RCBTB2: variants seen among roughly 807,000 people sequenced by gnomAD.
The protein encoded by RCBTB2 is RCC1 and BTB domain-containing protein 2.
RCBTB2 carries 55 observed loss-of-function variants against 65.4 expected under a neutral mutation model. The observed-to-expected ratio is 0.84, with a 90% CI of 0.68 to 1.05. The LOEUF is 1.05. Among genes scored for constraint, RCBTB2 ranks in the 50% least tolerant of loss-of-function variants. The pLI is 0.00. For synonymous variants in RCBTB2, 220 were observed against 255.2 expected (o/e 0.86, Z 1.31); for missense variants, 599 against 680.1 (o/e 0.88, Z 1.33).
rs9332008 is a variant in RCBTB2 at position 48,509,569 on chromosome 13, G to A, written c.926+1060C>T. On this transcript the variant is annotated intron_variant, in intron 10 of 14. Coordinates refer to ENST00000344532, the MANE Select transcript of RCBTB2 (RefSeq NM_001268.4). ...TGCACCACCTCCTGCCTCCATTATT[G>A]TCCCTCCTCCCAATTCTGAAGGGGC... is the stretch of plus-strand genomic sequence containing the variant. 5.1e-4 allele frequency among the ~76,000 whole-genome samples: 78 copies of A among 152,128 alleles called. No homozygotes were observed. In the East Asian group the frequency reaches 0.014, roughly 27 times the overall value.
At chr13:48,493,329 T>A (rs1486691147) in intron 14 of RCBTB2, among the ~76,000 whole-genome samples, 19 of 137,706 alleles carry the variant, frequency 1.4e-4, no homozygotes, top group African/African-American at 5.5e-4. Flanking sequence ...TCTCTCTCTC[T>A]CTCTCTCTCT....
Position 48,511,778 on chromosome 13 carries a change from C to T in RCBTB2, c.775G>A (p.Val259Ile), listed in dbSNP as rs776717208. The change falls in exon 9 of 15, where the codon GTC (valine) becomes ATC (isoleucine). Residue 259 changes from valine (V) to isoleucine (I), a missense_variant. Coordinates refer to ENST00000344532, the MANE Select transcript of RCBTB2 (RefSeq NM_001268.4). ...ACTGACAGTGGACGTACCCTCTGGA[C>T]ACGGATGCCTTGCAAAGCTGCCACT... ...CRVAALQGIR[V>I]QRVACGYAHT... is the part of the protein sequence containing the mutation. The T allele has an allele frequency of 1.7e-5, 27 of 1,613,782 alleles. No individual in the cohort carries two copies. In the Admixed American group the frequency reaches 4.5e-4, roughly 27 times the overall value.
At chr13:48,508,461 T>A (rs1488281687) in intron 10 of RCBTB2, among the ~76,000 whole-genome samples, 4 of 151,124 alleles carry the variant, frequency 2.6e-5, no homozygotes, top group African/African-American at 9.8e-5. Flanking sequence ...CAGGCTAGAG[T>A]GCAGTGTCGC....
At chr13:48,504,289 G>A (rs1036496547) in intron 10 of RCBTB2, 1 of 985,284 alleles carries the variant, frequency 1.0e-6, no homozygotes, top group African/African-American at 1.7e-5. Flanking sequence ...CACACGGGCA[G>A]TGGCTTCTCT....
intron 10 of RCBTB2, among the ~76,000 whole-genome samples, chr13:48,505,661 G>A (rs1311671759): frequency 1.3e-5 from 2 of 152,186 alleles, no homozygotes; most frequent in Admixed American, 6.5e-5. Flanking sequence ...GTCTGTCTTC[G>A]TGGCCTGGTG....
chr13:48,493,311 A>ACTCTCTCTCTCTCTCT (rs773819158), intron 14 of RCBTB2, among the ~76,000 whole-genome samples: 1,504 of 56,928 alleles, frequency 0.026, 14 homozygotes, highest in Non-Finnish European at 0.039. Flanking sequence ...ACACACACAC[A>ACTCTCTCTCTCTCTCT]CACACTCTCT....
At position 48,501,800 on chromosome 13, in the gene RCBTB2, G is replaced by T; in HGVS notation, c.1186C>A (p.Leu396Met). 6.2e-7 allele frequency: 1 copy of T among 1,613,136 alleles called. No individual in the cohort carries two copies. The highest frequency in any genetic ancestry group is 8.5e-7 in the Non-Finnish European group (1 of 1,179,060). Residue 396 changes from leucine (L) to methionine (M), a missense_variant, in exon 12 of 15, where the codon CTG (leucine) becomes ATG (methionine). Leu to Met is a conservative substitution (Grantham distance 15). Coordinates refer to ENST00000344532, the MANE Select transcript of RCBTB2 (RefSeq NM_001268.4). The part of the protein sequence containing the change: ...REFDNPDTAD[L>M]KFLVDGKYIY... The stretch of plus-strand genomic sequence containing the variant: ...TACTTTCCATCAACTAGAAACTTCA[G>T]GTCTGCAGTGTCCGGGTTGTCAAAT...
chr13:48,528,152 G>C (rs1951907954), intron 1 of RCBTB2, among the ~76,000 whole-genome samples: 1 of 152,148 alleles, frequency 6.6e-6, no homozygotes, highest in African/African-American at 2.4e-5. Flanking sequence ...ATAACGTAGA[G>C]CAAAACAATA....
Position 48,501,813 on chromosome 13 carries a change from C to T in RCBTB2, c.1173G>A (p.Pro391=), listed in dbSNP as rs776644289. ...CTAGAAACTTCAGGTCTGCAGTGTCCGGGTTGTCAAATTCCCTCTTCAGTG... is the reference window on the plus strand; with the variant it reads ...CTAGAAACTTCAGGTCTGCAGTGTCTGGGTTGTCAAATTCCCTCTTCAGTG... ...AESLKREFDN[P]DTADLKFLVD... Residue 391 remains proline (P), a synonymous_variant, in exon 12 of 15, where the codon CCG becomes CCA. Coordinates refer to ENST00000344532, the MANE Select transcript of RCBTB2 (RefSeq NM_001268.4). 29 of 1,613,302 alleles carry T rather than the reference C, an allele frequency of 1.8e-5. No individual in the cohort carries two copies. Among genetic ancestry groups the T allele is most frequent in the Middle Eastern group, 1.6e-4 (1 of 6,084 alleles).
intron 13 of RCBTB2, among the ~76,000 whole-genome samples, chr13:48,498,018 C>A (rs1417937332): frequency 6.6e-6 from 1 of 152,238 alleles, no homozygotes; most frequent in Non-Finnish European, 1.5e-5. Context: ...ACCTGGGAAC[C>A]TGGGACTGCC....
chr13:48,515,876 G>T, intron 4 of RCBTB2, 135 bp from the exon 5 acceptor site: 1 of 879,462 alleles, frequency 1.1e-6, no homozygotes, highest in Non-Finnish European at 1.7e-6. Flanking sequence ...GCCTCTCGCA[G>T]CTGCAGGGAT....
In RCBTB2 at chr13:48,515,389, C is replaced by G. The variant is rs758757333; in HGVS notation, c.199-34G>C. 5.0e-6 allele frequency: 8 copies of G among 1,588,916 alleles called. No homozygotes were observed. The South Asian group carries it at 8.0e-5, about 16-fold the overall frequency. On this transcript the variant is annotated intron_variant, in intron 5 of 14. Coordinates refer to ENST00000344532, the MANE Select transcript of RCBTB2 (RefSeq NM_001268.4). ...AAAACCACTGTTAGTTCAAGCAGTT[C>G]TATTTCTAACAAATCTATAAATTAC...
intron 13 of RCBTB2, among the ~76,000 whole-genome samples, chr13:48,498,278 A>T (rs578262515): frequency 4.6e-5 from 7 of 152,328 alleles, no homozygotes; most frequent in Non-Finnish European, 8.8e-5. Context: ...TTCAGTTCTT[A>T]ATGAAATTAC....
At chr13:48,490,852 T>C (rs1237075504) in intron 14 of RCBTB2, among the ~76,000 whole-genome samples, 1 of 152,196 alleles carries the variant, frequency 6.6e-6, no homozygotes, top group East Asian at 1.9e-4. Context: ...AATCATGACT[T>C]CCAAGTCTCT....
At chr13:48,517,600 C>T (rs377109846) in intron 4 of RCBTB2, among the ~76,000 whole-genome samples, 3 of 152,290 alleles carry the variant, frequency 2.0e-5, no homozygotes, top group African/African-American at 7.2e-5. Context: ...GCAGCTGTCC[C>T]AATGGCCACT....
chr13:48,503,058 C>G, intron 10 of RCBTB2, 144 bp from the exon 11 acceptor site: 4 of 832,130 alleles, frequency 4.8e-6, no homozygotes, highest in Non-Finnish European at 7.3e-6. Context: ...CAAAACAAAC[C>G]ACCACATGAC....
Position 48,501,859 on chromosome 13 carries a change from T to A in RCBTB2, c.1127A>T (p.Asp376Val). 1 of 1,613,808 alleles carries A rather than the reference T, an allele frequency of 6.2e-7. No homozygotes were observed. The highest frequency in any genetic ancestry group is 8.5e-7 in the Non-Finnish European group (1 of 1,179,890). ...CAGTGACTCAGCCACTGTGAGGTGG[T>A]CATCAGGTTCTAGGAGAATAATGCA... ...TWRLLSVEPD[D>V]HLTVAESLKR... The change falls in exon 12 of 15, where the codon GAC becomes GTC. Residue 376 changes from aspartate to valine, a missense_variant. By Grantham distance (152) the Asp-to-Val change is radical. Transcript: ENST00000344532.
At chr13:48,520,603 T>C (rs1448620107) in intron 4 of RCBTB2, among the ~76,000 whole-genome samples, 1 of 152,150 alleles carries the variant, frequency 6.6e-6, no homozygotes, top group Non-Finnish European at 1.5e-5. Context: ...ATTTTAATAT[T>C]AGCTCAAGGA....
intron 12 of RCBTB2, among the ~76,000 whole-genome samples, chr13:48,500,008 G>A (rs1234033499): frequency 6.6e-6 from 1 of 152,198 alleles, no homozygotes; most frequent in Non-Finnish European, 1.5e-5. Flanking sequence ...TGGGCTCCCT[G>A]GCATCTCTCT....
Sources: allele counts gnomAD v4.1 joint callset (sites outside exome capture counted in the v4.1 genomes callset), GRCh38; gene constraint gnomAD v4.1.1; transcripts MANE v1.5; gene names NCBI Gene and HGNC (gene_info 2026-07-23, HGNC 2026-07-21).